Variants in AQP11 observed in about 807,000 individuals in gnomAD.
The protein encoded by AQP11 is aquaporin 11, also known as aquaporin-11.
AQP11 carries 20 observed loss-of-function variants against 21.1 expected under a neutral mutation model. The ratio of observed to expected loss-of-function variants is 0.95; its 90% confidence interval spans 0.67 to 1.38. AQP11 has a LOEUF of 1.38. Among genes scored for constraint, AQP11 ranks in the 40% most tolerant of loss-of-function variants. AQP11 has a pLI of 0.00. For missense variants in AQP11, 339 were observed against 340.4 expected (o/e 1.00, Z 0.03); for synonymous variants, 167 against 150.1 (o/e 1.11, Z -0.82).
chr11:77,605,175 A>G (rs1355172594), intron 2 of AQP11, among the ~76,000 whole-genome samples: 1 of 152,240 alleles, frequency 6.6e-6, no homozygotes, highest in Admixed American at 6.5e-5. Context: ...CTTGGGCGAC[A>G]GAGCGAGACT....
intron 2 of AQP11, among the ~76,000 whole-genome samples, chr11:77,606,655 C>A (rs1380829261): frequency 2.0e-5 from 3 of 152,200 alleles, no homozygotes; most frequent in Non-Finnish European, 4.4e-5. Flanking sequence ...AAGCGATCCT[C>A]CTGTCCCAGC....
intron 1 of AQP11, chr11:77,591,078 T>C (rs1958744813): frequency 1.6e-5 from 16 of 984,704 alleles, no homozygotes; most frequent in Non-Finnish European, 1.9e-5. Context: ...TGTAGTTCCA[T>C]TTTAGTCCTA....
intron 1 of AQP11, chr11:77,590,973 T>A: frequency 2.0e-6 from 2 of 985,420 alleles, no homozygotes; most frequent in East Asian, 2.3e-4. Context: ...TTTCGGATAC[T>A]CTTACTGAAA....
intron 1 of AQP11, among the ~76,000 whole-genome samples, chr11:77,595,144 C>A (rs765486748): frequency 2.6e-5 from 4 of 152,188 alleles, no homozygotes; most frequent in Non-Finnish European, 5.9e-5. Flanking sequence ...GAGTTTGAGA[C>A]CAGCCTGACC....
intron 2 of AQP11, among the ~76,000 whole-genome samples, chr11:77,605,720 T>C (rs930677852): frequency 6.6e-6 from 1 of 152,240 alleles, no homozygotes; most frequent in African/African-American, 2.4e-5. Context: ...TGAGGATCTC[T>C]GTGTTAAGGA....
At position 77,590,061 on chromosome 11, in the gene AQP11, G is replaced by T. The variant is rs145292687; in HGVS notation, c.69G>T (p.Ser23=). 1.9e-6 allele frequency: 3 copies of T among 1,601,098 alleles called. No homozygotes were observed. Among genetic ancestry groups the T allele is most frequent in the South Asian group, 2.2e-5 (2 of 90,168 alleles). Residue 23 remains serine, a synonymous_variant, in exon 1 of 3, where the codon TCG becomes TCT. Coordinates refer to ENST00000313578, the MANE Select transcript of AQP11 (RefSeq NM_173039.3). ...DTCTSLGLML[S]VVLLMGLARV... The stretch of plus-strand genomic sequence containing the variant: ...GCACCTCGCTGGGACTGATGCTGTC[G>T]GTGGTGCTGCTCATGGGGCTGGCCC...
At chr11:77,591,444 A>G (rs1958746952) in intron 1 of AQP11, 1 of 520,060 alleles carries the variant, frequency 1.9e-6, no homozygotes, top group Non-Finnish European at 2.5e-6. Context: ...ATTATAAAAG[A>G]CTGTGGAGGC....
intron 1 of AQP11, 87 bp downstream of exon 1, chr11:77,590,698 G>C: frequency 6.6e-7 from 1 of 1,516,744 alleles, no homozygotes; most frequent in Non-Finnish European, 8.8e-7. Context: ...ATTTGAAACC[G>C]TCTATCCCGC....
rs1396755652 is a variant in AQP11, at chr11:77,590,168, G to A, written c.176G>A (p.Cys59Tyr). The change falls in exon 1 of 3, where the codon TGC becomes TAC. Residue 59 changes from cysteine (C) to tyrosine (Y), a missense_variant. Coordinates refer to ENST00000313578, the MANE Select transcript of AQP11 (RefSeq NM_173039.3). ...TTTCTAGCCACCTTCCAGCTCTGCTGCTGCACCCACGAGCTGCAACTGCTG... is the reference window on the plus strand; with the variant it reads ...TTTCTAGCCACCTTCCAGCTCTGCTACTGCACCCACGAGCTGCAACTGCTG... ...LEFLATFQLC[C>Y]CTHELQLLSE... 2 of 1,606,540 alleles carry A rather than the reference G, an allele frequency of 1.2e-6. No individual in the cohort carries two copies. The highest frequency in any genetic ancestry group is 8.5e-7 in the Non-Finnish European group (1 of 1,177,910).
chr11:77,609,325 GC>G lies in AQP11; in HGVS notation c.765del (p.Phe257SerfsTer23), dbSNP rs1288842590. 6.2e-7 allele frequency: 1 copy of G among 1,612,734 alleles called. No homozygotes were observed. Among genetic ancestry groups the G allele is most frequent in the Non-Finnish European group, 8.5e-7 (1 of 1,179,536 alleles). ...LGILLMILMF[S>X]FFLPWLHNNH... ...ATATTGTTGATGATTTTGATGTTCA[GC>G]TTTTTCCTTCCATGGCTGCATAACA... is the stretch of plus-strand genomic sequence containing the variant. On this transcript the variant is annotated frameshift_variant, in exon 3 of 3. Transcript: ENST00000313578. LOFTEE classifies it high-confidence loss of function.
At chr11:77,608,710 A>G (rs1958860457) in intron 2 of AQP11, among the ~76,000 whole-genome samples, 1 of 152,234 alleles carries the variant, frequency 6.6e-6, no homozygotes, top group Non-Finnish European at 1.5e-5. Context: ...TGCTTGACAC[A>G]TCTCTAAAAC....
intron 1 of AQP11, among the ~76,000 whole-genome samples, chr11:77,599,379 G>A (rs1958802156): frequency 6.6e-6 from 1 of 152,004 alleles, no homozygotes; most frequent in Non-Finnish European, 1.5e-5. Context: ...ATTAACTCAT[G>A]ATTTACATTA....
At chr11:77,594,492 T>C (rs1958767137) in intron 1 of AQP11, among the ~76,000 whole-genome samples, 1 of 152,226 alleles carries the variant, frequency 6.6e-6, no homozygotes, top group Admixed American at 6.5e-5. Context: ...TTTCTATGGC[T>C]ATAAGTCATA....
At chr11:77,590,688 A>G in intron 1 of AQP11, 77 bp downstream of exon 1, 1 of 1,522,870 alleles carries the variant, frequency 6.6e-7, no homozygotes, top group Non-Finnish European at 8.8e-7. Context: ...ACTAAAATAC[A>G]TTTGAAACCG....
At chr11:77,605,379 G>T (rs915580542) in intron 2 of AQP11, among the ~76,000 whole-genome samples, 1 of 152,052 alleles carries the variant, frequency 6.6e-6, no homozygotes, top group Non-Finnish European at 1.5e-5. Context: ...AACTACTATT[G>T]TAACAGTAGG....
intron 1 of AQP11, among the ~76,000 whole-genome samples, chr11:77,596,932 TGAA>T (rs1255145244): frequency 6.6e-6 from 1 of 151,922 alleles, no homozygotes; most frequent in Non-Finnish European, 1.5e-5. Flanking sequence ...ATCTCTAAAA[TGAA>T]GAAATTTCAT....
rs992202338 is a variant in AQP11 at position 77,606,524 on chromosome 11, C to CA, written c.737-2766dup. On this transcript the variant is annotated intron_variant, in intron 2 of 2. Coordinates refer to ENST00000313578, the MANE Select transcript of AQP11 (RefSeq NM_173039.3). ...ATCCGAACATTCCCCCTAACCCCGC[C>CA]AAAAAAAAGCCGAAATCTCTTACAA... Among the ~76,000 whole-genome samples, 17 of 151,676 alleles carry CA rather than the reference C, an allele frequency of 1.1e-4. No homozygotes were observed. In the East Asian group the frequency reaches 2.7e-3, roughly 24 times the overall value.
Position 77,590,527 on chromosome 11 carries a change from A to T in AQP11, c.535A>T (p.Ser179Cys). Reference protein sequence around the residue: ...TEAVCSFLFHSALLHFQEVRT... With the variant: ...TEAVCSFLFHCALLHFQEVRT... ...GGCCGTCTGCTCCTTTCTCTTCCAC[A>T]GCGCTCTGCTGCACTTCCAGGAAGT... Residue 179 changes from serine to cysteine, a missense_variant, in exon 1 of 3, where the codon AGC (serine) becomes TGC (cysteine). Coordinates refer to ENST00000313578, the MANE Select transcript of AQP11 (RefSeq NM_173039.3). 6.2e-7 allele frequency: 1 copy of T among 1,614,144 alleles called. No individual in the cohort carries two copies. The highest frequency in any genetic ancestry group is 8.5e-7 in the Non-Finnish European group (1 of 1,180,028).
chr11:77,609,457 C>A lies in AQP11; in HGVS notation c.*80C>A, dbSNP rs1302275084. 1 of 1,139,580 alleles carries A rather than the reference C, an allele frequency of 8.8e-7. No individual in the cohort carries two copies. The highest frequency in any genetic ancestry group is 2.4e-5 in the East Asian group (1 of 41,294). 70.6% of individuals were successfully genotyped at this position (1,139,580 alleles called of 1,614,324 possible). ...ATTTTATCACCTCATATGGAAAACA[C>A]CGGCTGCACTGGATTCATCAGTGTT... On this transcript the variant is annotated 3_prime_UTR_variant, in exon 3 of 3. Transcript: ENST00000313578.
Sources: gnomAD v4.1 joint callset for allele counts (sites outside exome capture counted in the v4.1 genomes callset) on GRCh38, gnomAD v4.1.1 for gene constraint, MANE v1.5 for transcripts, NCBI Gene and HGNC (gene_info 2026-07-23, HGNC 2026-07-21) for gene names.